ACAD11: variants seen among roughly 807,000 people sequenced by gnomAD.
ACAD11 encodes the protein acyl-Coenzyme A dehydrogenase family, member 11.
A neutral mutation model predicts 102.2 loss-of-function variants in ACAD11; 83 were observed. The observed-to-expected ratio is 0.81, with a 90% CI of 0.68 to 0.97. The LOEUF (loss-of-function observed/expected upper bound fraction) is 0.97. Among genes scored for constraint, ACAD11 ranks in the 50% least tolerant of loss-of-function variants. ACAD11 has a pLI of 0.00. For missense variants in ACAD11, 901 were observed against 951.7 expected (o/e 0.95, Z 0.70); for synonymous variants, 324 against 319.8 (o/e 1.01, Z -0.14).
intron 5 of ACAD11, among the ~76,000 whole-genome samples, chr3:132,635,761 A>G (rs1022462788): frequency 6.6e-6 from 1 of 152,172 alleles, no homozygotes; most frequent in Non-Finnish European, 1.5e-5. Context: ...ATATATAGCA[A>G]GGCAATCAAA....
intron 13 of ACAD11, among the ~76,000 whole-genome samples, chr3:132,596,683 G>GA (rs1559947160): frequency 6.6e-6 from 1 of 151,950 alleles, no homozygotes; most frequent in African/African-American, 2.4e-5. Flanking sequence ...CTAGCTTTGG[G>GA]AAAAAAGGTA....
intron 7 of ACAD11, among the ~76,000 whole-genome samples, chr3:132,629,951 G>A (rs1050052748): frequency 6.6e-6 from 1 of 151,874 alleles, no homozygotes; most frequent in Non-Finnish European, 1.5e-5. Flanking sequence ...ATATGACGAT[G>A]AAAATAAAAA....
chr3:132,563,283 T>G (rs548771103), intron 17 of ACAD11, among the ~76,000 whole-genome samples: 1 of 152,336 alleles, frequency 6.6e-6, no homozygotes, highest in Non-Finnish European at 1.5e-5. Flanking sequence ...TTTTGGCTAC[T>G]TTAGTGTTTT....
chr3:132,567,094 T>A (rs1937234895), intron 17 of ACAD11, among the ~76,000 whole-genome samples: 1 of 152,204 alleles, frequency 6.6e-6, no homozygotes, highest in Non-Finnish European at 1.5e-5. Context: ...TTCTTGTGCC[T>A]CAGCCTCCCG....
chr3:132,601,925 G>A (rs1431037386), intron 13 of ACAD11: 1 of 174,738 alleles, frequency 5.7e-6, no homozygotes, highest in East Asian at 1.9e-4. Context: ...GTAACTTCCT[G>A]TGAATTTATA....
rs749292148 is a variant in ACAD11 at position 132,630,557 on chromosome 3, C to T, written c.843G>A (p.Gly281=). Residue 281 remains glycine, a splice_region_variant and synonymous_variant, in exon 7 of 20, where the codon GGG becomes GGA. Transcript: ENST00000264990. The stretch of plus-strand genomic sequence containing the variant: ...AAATCAGTTCTTCCATTGATGGTAT[C>T]CCTATAAAAACAGCATGTAATATAA... ...INQGSYSENS[G]IPSMEELISI... The T allele has an allele frequency of 1.9e-6, 3 of 1,604,300 alleles. No homozygotes were observed. Among genetic ancestry groups the T allele is most frequent in the Admixed American group, 3.5e-5 (2 of 57,970 alleles).
Position 132,561,106 on chromosome 3 carries a change from T to C in ACAD11, c.2113A>G (p.Lys705Glu), listed in dbSNP as rs1257979167. Residue 705 changes from lysine (K) to glutamate (E), a missense_variant, in exon 18 of 20, where the codon AAA becomes GAA. Physicochemically the swap from Lys to Glu is moderately conservative, Grantham distance 56. Transcript: ENST00000264990. ...MDTLGSAGAK[K>E]EIAMIKVAAP... is the part of the protein sequence containing the mutation. ...AGGGGAGAAGGTAGCCTCACCTCTTTCTTAGCGCCAGCACTGCCCAGAGTG... is the reference window on the plus strand; with the variant it reads ...AGGGGAGAAGGTAGCCTCACCTCTTCCTTAGCGCCAGCACTGCCCAGAGTG... The C allele has an allele frequency of 1.2e-6, 2 of 1,612,280 alleles. No homozygotes were observed. Among genetic ancestry groups the C allele is most frequent in the African/African-American group, 1.3e-5 (1 of 74,872 alleles).
chr3:132,583,541 C>G (rs527492696), intron 13 of ACAD11, among the ~76,000 whole-genome samples: 3 of 152,086 alleles, frequency 2.0e-5, no homozygotes, highest in African/African-American at 7.2e-5. Context: ...TTTTGTGTCT[C>G]TATTTCCTTC....
chr3:132,577,361 G>A (rs1937538118), intron 15 of ACAD11, among the ~76,000 whole-genome samples: 1 of 152,156 alleles, frequency 6.6e-6, no homozygotes, highest in Admixed American at 6.6e-5. Flanking sequence ...TACATATGGG[G>A]TTCCAAACAA....
Position 132,659,424 on chromosome 3 carries a change from A to C in ACAD11, c.149+179T>G, listed in dbSNP as rs554999521. The C allele has an allele frequency of 8.5e-5, 65 of 762,566 alleles. No individual in the cohort carries two copies. The African/African-American group carries it at 1.1e-3, about 13-fold the overall frequency. 47.2% of individuals were successfully genotyped at this position (762,566 alleles called of 1,614,324 possible). On this transcript the variant is annotated intron_variant, in intron 1 of 19. Transcript: ENST00000264990. ...CTTCCATTACCGCCCTCCAATTGGG[A>C]AGCCCCCAGCATCGAATTCGGAGGG...
chr3:132,625,996 G>GC (rs1211502124), intron 9 of ACAD11, among the ~76,000 whole-genome samples: 3 of 152,110 alleles, frequency 2.0e-5, no homozygotes, highest in African/African-American at 7.2e-5. Flanking sequence ...TAAACAGCCT[G>GC]CCCCAACTCC....
chr3:132,658,724 T>C (rs886421734), intron 1 of ACAD11, among the ~76,000 whole-genome samples: 1 of 152,230 alleles, frequency 6.6e-6, no homozygotes, highest in African/African-American at 2.4e-5. Context: ...CATTTATTAT[T>C]ATTTTCATTT....
chr3:132,610,670 C>A (rs914854233), intron 11 of ACAD11, among the ~76,000 whole-genome samples: 1 of 152,046 alleles, frequency 6.6e-6, no homozygotes, highest in Non-Finnish European at 1.5e-5. Context: ...AAGACTAAAC[C>A]AGGAAGAAGT....
intron 18 of ACAD11, among the ~76,000 whole-genome samples, chr3:132,560,203 A>T (rs758384401): frequency 1.3e-5 from 2 of 152,176 alleles, no homozygotes; most frequent in Non-Finnish European, 2.9e-5. Flanking sequence ...CAGGCAGCTG[A>T]TAAATCACAC....
intron 13 of ACAD11, among the ~76,000 whole-genome samples, chr3:132,586,491 TA>T (rs111469807): frequency 2.2e-4 from 33 of 146,990 alleles, no homozygotes; most frequent in South Asian, 1.5e-3. Context: ...TAAAGTGTAA[TA>T]AAAAAAAAAC....
At chr3:132,655,201 A>G (rs1476174545) in intron 1 of ACAD11, among the ~76,000 whole-genome samples, 2 of 152,320 alleles carry the variant, frequency 1.3e-5, no homozygotes, top group Non-Finnish European at 1.5e-5. Context: ...ACTCTGGTCT[A>G]TGCCACTGAT....
intron 1 of ACAD11, among the ~76,000 whole-genome samples, chr3:132,651,232 G>A (rs991849157): frequency 6.6e-6 from 1 of 152,094 alleles, no homozygotes; most frequent in African/African-American, 2.4e-5. Context: ...CTCAGGCCAT[G>A]AGACTCTGCC....
rs1345145499 is a variant in ACAD11 at position 132,578,800 on chromosome 3, G to A, written c.1770C>T (p.Tyr590=). The A allele has an allele frequency of 1.2e-6, 2 of 1,612,434 alleles. No homozygotes were observed. Among genetic ancestry groups the A allele is most frequent in the Admixed American group, 3.3e-5 (2 of 59,858 alleles). ...TCATATTTATTGGATACCTACCTGT[G>A]TAGCCAAAAACTGACAAAGGCCTTA... ...KIIRPLSVFG[Y]TDNFHGGHFE... is the part of the protein sequence containing the mutation. Residue 590 remains tyrosine (Y), a synonymous_variant, in exon 15 of 20, where the codon TAC becomes TAT. Transcript: ENST00000264990.
At chr3:132,659,242 C>T (rs923893846) in intron 1 of ACAD11, among the ~76,000 whole-genome samples, 6 of 152,208 alleles carry the variant, frequency 3.9e-5, no homozygotes, top group African/African-American at 1.4e-4. Flanking sequence ...CGGAATTACA[C>T]CAGCTTCTCA....
Sources: allele counts gnomAD v4.1 joint callset (sites outside exome capture counted in the v4.1 genomes callset), GRCh38; gene constraint gnomAD v4.1.1; transcripts MANE v1.5; gene names NCBI Gene and HGNC (gene_info 2026-07-23, HGNC 2026-07-21).